Variants in RANBP2 observed in about 807,000 individuals in gnomAD.
RANBP2 encodes E3 SUMO-protein ligase RanBP2.
Under a neutral mutation model 303.6 loss-of-function variants are expected in RANBP2, and 57 were observed. The observed-to-expected ratio is 0.19, with a 90% confidence interval of 0.15 to 0.23. The LOEUF (loss-of-function observed/expected upper bound fraction) is 0.23. Among genes scored for constraint, RANBP2 ranks in the 10% least tolerant of loss-of-function variants. The probability of loss-of-function intolerance (pLI) is 1.00; values close to 1 mark genes in which losing one functional copy is unlikely to be tolerated. For missense variants in RANBP2, 3,138 were observed against 3,780.8 expected (o/e 0.83, Z 4.46); for synonymous variants, 1,167 against 1,301.5 (o/e 0.90, Z 2.23).
chr2:109,679,813 AG>A, the RANBP2 span, among the ~76,000 whole-genome samples: 34 of 152,210 alleles, frequency 2.2e-4, no homozygotes, highest in African/African-American at 8.2e-4. Context: ...TACTTAACAC[AG>A]TTTACAAAGC....
At chr2:109,037,316 C>T in the RANBP2 span, among the ~76,000 whole-genome samples, 33 of 121,990 alleles carry the variant, frequency 2.7e-4, no homozygotes, top group Non-Finnish European at 3.4e-4. Context: ...AGAGCAAGAC[C>T]ATGTCTCAAA....
At chr2:109,681,893 C>G in the RANBP2 span, among the ~76,000 whole-genome samples, 75 of 152,370 alleles carry the variant, frequency 4.9e-4, no homozygotes, top group Non-Finnish European at 5.3e-4. Flanking sequence ...ACTGTGTTCT[C>G]TGGAGTAGAG....
At chr2:109,479,587 G>T in the RANBP2 span, among the ~76,000 whole-genome samples, 7 of 152,150 alleles carry the variant, frequency 4.6e-5, no homozygotes, top group Non-Finnish European at 8.8e-5. Flanking sequence ...CCAGGGCAGG[G>T]CCAGGTGTGC....
intron 25 of RANBP2, 126 bp from the exon 26 acceptor site, chr2:108,781,142 AT>A (rs1171306190): frequency 9.6e-7 from 1 of 1,043,290 alleles, no homozygotes; most frequent in African/African-American, 1.6e-5. Context: ...GAATAATATA[AT>A]TTTAAACATT....
the RANBP2 span, among the ~76,000 whole-genome samples, chr2:109,571,829 T>C: frequency 6.6e-6 from 1 of 152,198 alleles, no homozygotes; most frequent in Non-Finnish European, 1.5e-5. Flanking sequence ...CAAGTGCTCA[T>C]TAGCTCTTCC....
At chr2:109,553,273 G>A in the RANBP2 span, 2 of 1,591,360 alleles carry the variant, frequency 1.3e-6, no homozygotes, top group East Asian at 4.5e-5. Flanking sequence ...GGTCGGGTAT[G>A]GCGGCTCACG....
the RANBP2 span, among the ~76,000 whole-genome samples, chr2:109,230,917 G>T: frequency 7.9e-5 from 12 of 152,198 alleles, no homozygotes; most frequent in Non-Finnish European, 1.8e-4. Context: ...TCGGCTAAGG[G>T]ACAGCTCAAA....
the RANBP2 span, among the ~76,000 whole-genome samples, chr2:109,272,141 C>T: frequency 1.3e-5 from 2 of 152,354 alleles, no homozygotes; most frequent in South Asian, 2.1e-4. Context: ...GGACTTATCC[C>T]TCCCTGGTCT....
chr2:109,620,298 G>A, the RANBP2 span, among the ~76,000 whole-genome samples: 7 of 152,284 alleles, frequency 4.6e-5, no homozygotes, highest in African/African-American at 1.7e-4. Flanking sequence ...CAGTTCATCT[G>A]CAGCTCAGCC....
chr2:109,610,631 G>A, the RANBP2 span, among the ~76,000 whole-genome samples: 1 of 152,048 alleles, frequency 6.6e-6, no homozygotes, highest in African/African-American at 2.4e-5. Context: ...TAGGAGAATC[G>A]CTTGAACCAG....
At chr2:109,234,381 G>A in the RANBP2 span, among the ~76,000 whole-genome samples, 2 of 152,162 alleles carry the variant, frequency 1.3e-5, no homozygotes, top group Non-Finnish European at 2.9e-5. Context: ...GCCCTTAAGG[G>A]GACAGATGAA....
At chr2:109,127,490 T>G in the RANBP2 span, 1 of 152,234 alleles carries the variant, frequency 6.6e-6, no homozygotes, top group Non-Finnish European at 1.5e-5. Context: ...AAATGAAAAT[T>G]CAGCCCCAAT....
At chr2:109,312,506 C>CTT in the RANBP2 span, among the ~76,000 whole-genome samples, 1 of 152,238 alleles carries the variant, frequency 6.6e-6, no homozygotes, top group East Asian at 1.9e-4. Context: ...AAAGGAAACT[C>CTT]TCTACCCATC....
the RANBP2 span, among the ~76,000 whole-genome samples, chr2:109,390,987 G>C: frequency 6.6e-6 from 1 of 152,232 alleles, no homozygotes; most frequent in Non-Finnish European, 1.5e-5. Flanking sequence ...CCCCCAAGCA[G>C]CTAGCACCCA....
chr2:109,322,511 C>G, the RANBP2 span, among the ~76,000 whole-genome samples: 3 of 152,170 alleles, frequency 2.0e-5, no homozygotes, highest in African/African-American at 4.8e-5. Context: ...CTAAATAAGC[C>G]TATAAATAAT....
chr2:108,896,182 G>T, the RANBP2 span: 1 of 152,260 alleles, frequency 6.6e-6, no homozygotes, highest in African/African-American at 2.4e-5. Context: ...TTGCATATTG[G>T]TTTTGTATAG....
At chr2:109,659,849 G>T in the RANBP2 span, among the ~76,000 whole-genome samples, 4 of 152,198 alleles carry the variant, frequency 2.6e-5, no homozygotes, top group Admixed American at 6.5e-5. Flanking sequence ...GGTCCAGGCA[G>T]CCAGGCCCCG....
At chr2:108,938,929 G>A in the RANBP2 span, among the ~76,000 whole-genome samples, 8 of 151,772 alleles carry the variant, frequency 5.3e-5, no homozygotes, top group Non-Finnish European at 8.8e-5. Flanking sequence ...ACAGGCACCC[G>A]CCACCACATC....
chr2:108,910,337 G>A, the RANBP2 span: 39 of 782,812 alleles, frequency 5.0e-5, no homozygotes, highest in Middle Eastern at 3.5e-4. Context: ...ACTGTCTGTC[G>A]CCGAACGTCC....
Sources: allele counts gnomAD v4.1 joint callset (sites outside exome capture counted in the v4.1 genomes callset), GRCh38; gene constraint gnomAD v4.1.1; transcripts MANE v1.5; gene names NCBI Gene and HGNC (gene_info 2026-07-23, HGNC 2026-07-21).